The following CDH13 variants were observed in gnomAD, a reference collection of about 807,000 sequenced individuals.
CDH13 encodes the protein cadherin-13.
A neutral mutation model predicts 63.8 loss-of-function variants in CDH13; 24 were observed. The observed-to-expected ratio is 0.38, with a 90% CI of 0.27 to 0.53. The LOEUF is 0.53. Among genes scored for constraint, CDH13 ranks in the 20% least tolerant of loss-of-function variants. The pLI is 0.85. For synonymous variants in CDH13, 503 were observed against 355.3 expected, an observed-to-expected ratio of 1.42 and a Z score of -4.67; for missense variants, 1,049 against 903.1, an observed-to-expected ratio of 1.16 and a Z score of -2.07.
chr16:82,817,672 G>T (rs963812407), intron 1 of CDH13, among the ~76,000 whole-genome samples: 3 of 152,030 alleles, frequency 2.0e-5, no homozygotes, highest in African/African-American at 7.2e-5. Context: ...AGGTGTGGTG[G>T]TGCACACCTG....
At chr16:83,149,094 C>T (rs768364008) in intron 4 of CDH13, among the ~76,000 whole-genome samples, 7 of 152,142 alleles carry the variant, frequency 4.6e-5, no homozygotes, top group Non-Finnish European at 1.0e-4. Flanking sequence ...TATCTTGTTA[C>T]TATGGCTACA....
chr16:83,791,386 C>T (rs2151020588), intron 13 of CDH13, among the ~76,000 whole-genome samples: 1 of 152,166 alleles, frequency 6.6e-6, no homozygotes, highest in East Asian at 1.9e-4. Flanking sequence ...ATCCCAGCTA[C>T]TCAGGAGGCT....
intron 1 of CDH13, among the ~76,000 whole-genome samples, chr16:82,731,695 G>C (rs1183006504): frequency 1.3e-5 from 2 of 152,092 alleles, no homozygotes; most frequent in Non-Finnish European, 2.9e-5. Flanking sequence ...GTAAGAGTTT[G>C]GAAAAAAATC....
intron 3 of CDH13, among the ~76,000 whole-genome samples, chr16:83,068,299 C>G (rs1178480405): frequency 6.6e-6 from 1 of 152,136 alleles, no homozygotes; most frequent in Admixed American, 6.6e-5. Flanking sequence ...TAACTTTCAT[C>G]CCCACTTTAT....
At chr16:83,321,116 G>A (rs1597739251) in intron 5 of CDH13, among the ~76,000 whole-genome samples, 1 of 152,218 alleles carries the variant, frequency 6.6e-6, no homozygotes, top group African/African-American at 2.4e-5. Flanking sequence ...AATTAAGGGG[G>A]CCTTCCTGAT....
intron 3 of CDH13, among the ~76,000 whole-genome samples, chr16:83,107,789 CTCTTT>C (rs977222662): frequency 2.7e-5 from 4 of 149,222 alleles, no homozygotes; most frequent in Non-Finnish European, 3.0e-5. Flanking sequence ...TTTGTCCCTC[CTCTTT>C]TCTTTTCTTT....
chr16:83,031,485 C>CATACACGTATATGGTATATACATGT (rs1567762148), intron 2 of CDH13, among the ~76,000 whole-genome samples: 1 of 150,762 alleles, frequency 6.6e-6, no homozygotes, highest in Non-Finnish European at 1.5e-5. Flanking sequence ...CATGTATATG[C>CATACACGTATATGGTATATACATGT]ACATCGTTAA....
chr16:82,811,148 G>T (rs563992920), intron 1 of CDH13, among the ~76,000 whole-genome samples: 2 of 152,212 alleles, frequency 1.3e-5, no homozygotes, highest in African/African-American at 4.8e-5. Context: ...TCCTGGAACT[G>T]GTTCTGTCTT....
intron 1 of CDH13, among the ~76,000 whole-genome samples, chr16:82,735,280 A>G (rs142744299): frequency 7.2e-5 from 11 of 152,322 alleles, no homozygotes; most frequent in African/African-American, 2.6e-4. Flanking sequence ...AAGGAACACT[A>G]TTTAATCACA....
intron 2 of CDH13, among the ~76,000 whole-genome samples, chr16:82,866,876 C>T (rs1023600785): frequency 5.9e-5 from 9 of 152,140 alleles, no homozygotes; most frequent in African/African-American, 2.2e-4. Context: ...AGGAAACCAC[C>T]TCCATGATTC....
At chr16:83,627,687 G>A (rs8043762) in intron 8 of CDH13, among the ~76,000 whole-genome samples, 16,489 of 152,080 alleles carry the variant, frequency 0.11, 911 homozygotes, top group Admixed American at 0.12. Flanking sequence ...AGTAGCTGGG[G>A]TTATAGGTAC....
chr16:82,917,990 T>A (rs1310834498), intron 2 of CDH13, among the ~76,000 whole-genome samples: 4 of 150,132 alleles, frequency 2.7e-5, no homozygotes, highest in Non-Finnish European at 5.9e-5. Context: ...CCATCACAAG[T>A]GTATGGGATC....
rs190874560 is a variant in CDH13 at position 82,700,714 on chromosome 16, G to T, written c.45+73577G>T. 2.3e-3 allele frequency among the ~76,000 whole-genome samples: 344 copies of T among 152,142 alleles called. 1 individual carries two copies. Among genetic ancestry groups the T allele is most frequent in the African/African-American group, 8.0e-3 (332 of 41,522 alleles). Reference sequence around the variant, plus strand: ...AGATCACAGCTTCTCATCCTGTTTTGAGTCTCACCCTCCTCTTTGCCCTCA... The same window carrying T: ...AGATCACAGCTTCTCATCCTGTTTTTAGTCTCACCCTCCTCTTTGCCCTCA... On this transcript the variant is annotated intron_variant, in intron 1 of 13. Transcript: ENST00000567109.
intron 3 of CDH13, among the ~76,000 whole-genome samples, chr16:83,092,920 G>A (rs148864013): frequency 6.5e-4 from 99 of 152,214 alleles, no homozygotes; most frequent in Non-Finnish European, 1.1e-3. Flanking sequence ...TAAAGGTAAC[G>A]GTACTTTTGC....
chr16:82,635,139 G>A (rs1908497070), intron 1 of CDH13, among the ~76,000 whole-genome samples: 1 of 152,236 alleles, frequency 6.6e-6, no homozygotes, highest in South Asian at 2.1e-4. Context: ...AAGCTCTGTT[G>A]TGGTCCACAT....
rs1379239587 is a variant in CDH13 at position 83,416,537 on chromosome 16, T to A, written c.782-69940T>A. ...TATTCAGTTAATAACATTTTCTGTT[T>A]TCTGTAGGTAGAAACTGCCATGCCC... On this transcript the variant is annotated intron_variant, in intron 6 of 13. Coordinates refer to ENST00000567109, the MANE Select transcript of CDH13 (RefSeq NM_001257.5). Among the ~76,000 whole-genome samples, 3 of 152,304 alleles carry A rather than the reference T, an allele frequency of 2.0e-5. No individual in the cohort carries two copies. The East Asian group carries it at 5.8e-4, about 29-fold the overall frequency.
At chr16:83,024,574 C>T (rs1383868087) in intron 2 of CDH13, among the ~76,000 whole-genome samples, 1 of 152,174 alleles carries the variant, frequency 6.6e-6, no homozygotes, top group Non-Finnish European at 1.5e-5. Flanking sequence ...CCTCGGATAA[C>T]TCATGCAACC....
chr16:83,495,762 T>C (rs777182323), intron 7 of CDH13, among the ~76,000 whole-genome samples: 1 of 152,174 alleles, frequency 6.6e-6, no homozygotes, highest in Admixed American at 6.5e-5. Context: ...ACTTTTTGGC[T>C]TGTAGAGCAT....
At chr16:83,522,796 A>AT (rs1303530108) in intron 7 of CDH13, among the ~76,000 whole-genome samples, 2 of 152,074 alleles carry the variant, frequency 1.3e-5, no homozygotes. Context: ...CCTGGGGCTT[A>AT]TTACAGAGGC....
Sources: gnomAD v4.1 joint callset for allele counts (sites outside exome capture counted in the v4.1 genomes callset) on GRCh38, gnomAD v4.1.1 for gene constraint, MANE v1.5 for transcripts, NCBI Gene and HGNC (gene_info 2026-07-23, HGNC 2026-07-21) for gene names.